SH3KBP1: variants seen among roughly 807,000 people sequenced by gnomAD.
The protein encoded by SH3KBP1 is SH3 domain-containing kinase-binding protein 1.
Under a neutral mutation model 50.1 loss-of-function variants are expected in SH3KBP1, and 8 were observed. The observed-to-expected ratio is 0.16, with a 90% CI of 0.09 to 0.29. The LOEUF is 0.29. Among genes scored for constraint, SH3KBP1 ranks in the 10% least tolerant of loss-of-function variants. The probability of loss-of-function intolerance (pLI) is 1.00; values close to 1 mark genes in which losing one functional copy is unlikely to be tolerated. For missense variants in SH3KBP1, 377 were observed against 535.2 expected (o/e 0.70, Z 2.92); for synonymous variants, 227 against 218.6 (o/e 1.04, Z -0.34).
intron 1 of SH3KBP1, among the ~76,000 whole-genome samples, chrX:19,882,821 C>T (rs2069478209): frequency 8.9e-6 from 1 of 111,902 alleles, no homozygotes; most frequent in East Asian, 2.8e-4. Flanking sequence ...TGGTAAAAGT[C>T]TCAGAGACTA....
chrX:19,830,346 A>C (rs747334711), intron 2 of SH3KBP1, among the ~76,000 whole-genome samples: 124 of 111,025 alleles, frequency 1.1e-3, no homozygotes, highest in African/African-American at 3.7e-3. Flanking sequence ...TAGAAACAAA[A>C]AAAAAAAAAT....
intron 1 of SH3KBP1, among the ~76,000 whole-genome samples, chrX:19,841,920 G>T (rs1186262521): frequency 1.4e-5 from 1 of 69,857 alleles, no homozygotes; most frequent in Non-Finnish European, 2.6e-5. Flanking sequence ...GCGGGGGGGT[G>T]GGGGGGGGCT....
chrX:19,774,034 A>AGCTGTTTGTCAGCATTT (rs2065884125), intron 2 of SH3KBP1, among the ~76,000 whole-genome samples: 1 of 109,881 alleles, frequency 9.1e-6, no homozygotes, highest in East Asian at 2.9e-4. Context: ...CGGAATTAGC[A>AGCTGTTTGTCAGCATTT]GCTGTTTGTC....
At chrX:19,744,353 C>A (rs911537647) in intron 3 of SH3KBP1, among the ~76,000 whole-genome samples, 1 of 111,766 alleles carries the variant, frequency 8.9e-6, no homozygotes, top group Admixed American at 9.4e-5. Context: ...TCTGGCCTGA[C>A]AAGGCCAATC....
intron 13 of SH3KBP1, among the ~76,000 whole-genome samples, chrX:19,554,142 T>TA (rs2065377345): frequency 1.3e-5 from 1 of 77,429 alleles, no homozygotes; most frequent in Non-Finnish European, 2.2e-5. Context: ...TATTAAAATA[T>TA]ATTATATATC....
intron 12 of SH3KBP1, among the ~76,000 whole-genome samples, chrX:19,570,236 A>G (rs73457642): frequency 0.23 from 25,862 of 111,280 alleles, 2,315 homozygotes; most frequent in African/African-American, 0.31. Flanking sequence ...TATAAGACGC[A>G]GGTGTCACAG....
At chrX:19,648,291 AAGG>A (rs2062035091) in intron 6 of SH3KBP1, among the ~76,000 whole-genome samples, 1 of 107,729 alleles carries the variant, frequency 9.3e-6, no homozygotes, top group African/African-American at 3.4e-5. Flanking sequence ...GGAAGGAAAG[AAGG>A]AGAAGGAGGG....
intron 2 of SH3KBP1, among the ~76,000 whole-genome samples, chrX:19,768,426 C>G (rs1227618751): frequency 2.0e-5 from 2 of 101,039 alleles, no homozygotes; most frequent in Non-Finnish European, 4.0e-5. Flanking sequence ...TCAATACATT[C>G]CATCCACAAC....
At chrX:19,702,625 CAT>C (rs767499361) in intron 4 of SH3KBP1, among the ~76,000 whole-genome samples, 1 of 109,324 alleles carries the variant, frequency 9.1e-6, no homozygotes, top group African/African-American at 3.4e-5. Context: ...CTCTAGATAA[CAT>C]AGAAAAACAA....
At chrX:19,674,992 T>C (rs771724390) in intron 6 of SH3KBP1, among the ~76,000 whole-genome samples, 60 of 109,539 alleles carry the variant, frequency 5.5e-4, no homozygotes, top group African/African-American at 1.9e-3. Context: ...GGCAGAAGAA[T>C]TGCTTGAACC....
intron 2 of SH3KBP1, among the ~76,000 whole-genome samples, chrX:19,830,367 T>G (rs1468066790): frequency 9.1e-6 from 1 of 110,064 alleles, no homozygotes; most frequent in East Asian, 2.8e-4. Flanking sequence ...CATCAAGCCA[T>G]AGACATATGA....
At chrX:19,754,653 A>C (rs1445675958) in intron 2 of SH3KBP1, among the ~76,000 whole-genome samples, 1 of 111,338 alleles carries the variant, frequency 9.0e-6, no homozygotes, top group Non-Finnish European at 1.9e-5. Flanking sequence ...ATTTTTAGTA[A>C]AGACCCAGTT....
intron 15 of SH3KBP1, among the ~76,000 whole-genome samples, chrX:19,545,696 C>T (rs762201139): frequency 1.8e-5 from 2 of 111,921 alleles, no homozygotes; most frequent in East Asian, 2.8e-4. Context: ...GGAGATCAAA[C>T]CACAAGAGAA....
intron 4 of SH3KBP1, among the ~76,000 whole-genome samples, chrX:19,702,980 C>T (rs1038343492): frequency 8.9e-6 from 1 of 112,128 alleles, no homozygotes; most frequent in African/African-American, 3.2e-5. Flanking sequence ...ACAGCACAAC[C>T]ACCACTCTCC....
intron 12 of SH3KBP1, among the ~76,000 whole-genome samples, chrX:19,578,093 G>T (rs1193347914): frequency 8.9e-6 from 1 of 112,275 alleles, no homozygotes; most frequent in African/African-American, 3.2e-5. Context: ...GATAATGGAT[G>T]TCAAATGTGC....
intron 8 of SH3KBP1, among the ~76,000 whole-genome samples, chrX:19,624,570 T>C (rs1387404073): frequency 8.9e-6 from 1 of 111,800 alleles, no homozygotes; most frequent in Non-Finnish European, 1.9e-5. Flanking sequence ...ACTAAAACGA[T>C]ATTTTCTCCC....
intron 8 of SH3KBP1, among the ~76,000 whole-genome samples, chrX:19,621,076 T>TC (rs199620246): frequency 0.015 from 1,363 of 93,531 alleles, 36 homozygotes; most frequent in African/African-American, 0.052. Flanking sequence ...TTTCTTTCTT[T>TC]TTTTTTTTTT....
chrX:19,733,266 A>G (rs1012439070), intron 3 of SH3KBP1, among the ~76,000 whole-genome samples: 2 of 111,238 alleles, frequency 1.8e-5, no homozygotes, highest in African/African-American at 6.5e-5. Context: ...GAGTAACTAA[A>G]TCCTTTTTGA....
chrX:19,674,287 C>A (rs370303620), intron 6 of SH3KBP1, among the ~76,000 whole-genome samples: 3 of 111,330 alleles, frequency 2.7e-5, no homozygotes, highest in Non-Finnish European at 3.8e-5. Context: ...TAAAAAAAAA[C>A]CGCACTTACT....
Sources: allele counts gnomAD v4.1 joint callset (sites outside exome capture counted in the v4.1 genomes callset), GRCh38; gene constraint gnomAD v4.1.1; transcripts MANE v1.5; gene names NCBI Gene and HGNC (gene_info 2026-07-23, HGNC 2026-07-21).